Variants in BNC2 observed in about 807,000 individuals in gnomAD.
The protein encoded by BNC2 is basonuclin zinc finger protein 2.
In BNC2, 20 loss-of-function variants were observed where a neutral mutation model predicts 76.3. The observed-to-expected ratio is 0.26, with a 90% CI of 0.18 to 0.38. The LOEUF (loss-of-function observed/expected upper bound fraction) is 0.38. BNC2 is among the 10% of genes least tolerant of loss of function. The pLI is 1.00. For missense variants in BNC2, 1,382 were observed against 1,399.8 expected, an observed-to-expected ratio of 0.99 and a Z score of 0.20; for synonymous variants, 582 against 514.8, an observed-to-expected ratio of 1.13 and a Z score of -1.77.
chr9:16,841,743 T>A (rs972955349), intron 1 of BNC2, among the ~76,000 whole-genome samples: 1 of 151,806 alleles, frequency 6.6e-6, no homozygotes, highest in Non-Finnish European at 1.5e-5. Context: ...AAGAGCTGCA[T>A]GCATGATGAC....
intron 1 of BNC2, among the ~76,000 whole-genome samples, chr9:16,761,010 A>G (rs1825536648): frequency 6.6e-6 from 1 of 152,086 alleles, no homozygotes. Flanking sequence ...TGGGAGGCTA[A>G]GGCAGGAGGA....
intron 1 of BNC2, among the ~76,000 whole-genome samples, chr9:16,794,121 G>A (rs1817586389): frequency 6.6e-6 from 1 of 152,058 alleles, no homozygotes; most frequent in South Asian, 2.1e-4. Context: ...CAGTGACATG[G>A]CTCTGCCTTT....
intron 1 of BNC2, among the ~76,000 whole-genome samples, chr9:16,830,464 T>C (rs916547860): frequency 1.3e-5 from 2 of 152,192 alleles, no homozygotes; most frequent in African/African-American, 4.8e-5. Context: ...CGTAAATATT[T>C]GATATACTAT....
intron 3 of BNC2, among the ~76,000 whole-genome samples, chr9:16,707,460 C>T (rs1415869114): frequency 1.3e-5 from 2 of 152,060 alleles, no homozygotes; most frequent in Non-Finnish European, 2.9e-5. Context: ...GTATCTTGGA[C>T]CAATATTCAA....
intron 1 of BNC2, among the ~76,000 whole-genome samples, chr9:16,794,711 C>G (rs112575122): frequency 8.5e-5 from 13 of 152,294 alleles, no homozygotes; most frequent in African/African-American, 3.1e-4. Flanking sequence ...AACACAATTC[C>G]TCAGCTAACA....
intron 5 of BNC2, among the ~76,000 whole-genome samples, chr9:16,490,366 A>T (rs1156904672): frequency 6.6e-6 from 1 of 152,126 alleles, no homozygotes; most frequent in East Asian, 1.9e-4. Context: ...GAGCAAGGGA[A>T]CGACCAGCCC....
chr9:16,628,622 A>C (rs1410498710), intron 3 of BNC2, among the ~76,000 whole-genome samples: 5 of 152,240 alleles, frequency 3.3e-5, no homozygotes, highest in South Asian at 2.1e-4. Flanking sequence ...AACACACACA[A>C]ACACACACGC....
At chr9:16,792,972 A>T (rs1817554284) in intron 1 of BNC2, among the ~76,000 whole-genome samples, 1 of 152,232 alleles carries the variant, frequency 6.6e-6, no homozygotes, top group African/African-American at 2.4e-5. Context: ...CATTTAGAAC[A>T]TTTGTATCTC....
At chr9:16,420,580 A>G (rs1468602555) in intron 6 of BNC2, among the ~76,000 whole-genome samples, 1 of 152,138 alleles carries the variant, frequency 6.6e-6, no homozygotes, top group East Asian at 1.9e-4. Context: ...CAACAATAAC[A>G]TAGGGTTCCT....
intron 5 of BNC2, among the ~76,000 whole-genome samples, chr9:16,457,315 C>G (rs2131167374): frequency 6.6e-6 from 1 of 152,228 alleles, no homozygotes; most frequent in East Asian, 1.9e-4. Context: ...GGGGGACTAA[C>G]TTACTTAGGG....
intron 1 of BNC2, among the ~76,000 whole-genome samples, chr9:16,869,742 C>T (rs1819630493): frequency 1.3e-5 from 2 of 152,212 alleles, no homozygotes; most frequent in African/African-American, 4.8e-5. Context: ...CACGCTTCCT[C>T]GCTGCAAAGA....
chr9:16,536,955 T>G (rs1484209209), intron 5 of BNC2, among the ~76,000 whole-genome samples: 1 of 152,146 alleles, frequency 6.6e-6, no homozygotes, highest in Non-Finnish European at 1.5e-5. Context: ...ATATTACTTT[T>G]ATCAAAACTA....
At chr9:16,460,365 G>A (rs948849443) in intron 5 of BNC2, among the ~76,000 whole-genome samples, 3 of 151,898 alleles carry the variant, frequency 2.0e-5, no homozygotes, top group East Asian at 3.9e-4. Flanking sequence ...GCTCATGCCT[G>A]TAATCCTAAC....
chr9:16,769,946 T>C (rs906602001), intron 1 of BNC2, among the ~76,000 whole-genome samples: 3 of 152,046 alleles, frequency 2.0e-5, no homozygotes, highest in African/African-American at 7.2e-5. Context: ...TACAGAGAAA[T>C]TTCCCAGGCC....
intron 5 of BNC2, among the ~76,000 whole-genome samples, chr9:16,443,064 C>CAAAAAA (rs908689709): frequency 6.3e-5 from 4 of 63,664 alleles, no homozygotes; most frequent in Non-Finnish European, 1.0e-4. Flanking sequence ...GAGACTCTGT[C>CAAAAAA]AAAAAAAAAA....
At chr9:16,441,950 G>A (rs950397386) in intron 5 of BNC2, among the ~76,000 whole-genome samples, 4 of 152,094 alleles carry the variant, frequency 2.6e-5, no homozygotes, top group Non-Finnish European at 4.4e-5. Flanking sequence ...CCCAACTACC[G>A]ACCAACTCAT....
rs1392193588 is a variant in BNC2 at position 16,779,131 on chromosome 9, AAAAG to A, written c.4-40650_4-40647del. Among the ~76,000 whole-genome samples the A allele has an allele frequency of 8.6e-4, 7 of 8,184 alleles. No homozygotes were observed. The Admixed American group carries it at 0.011, about 13-fold the overall frequency. 5.4% of individuals were successfully genotyped at this position (8,184 alleles called of 152,430 possible). A position where few individuals can be genotyped will look rare whatever the true frequency, so the allele number is the denominator to read the frequency against. ...AAAAATTGTAAAAAAAAAAAAAAAA[AAAAG>A]AAAAGAAAAGAAAAAAAAACCAGCC... On this transcript the variant is annotated intron_variant, in intron 1 of 6. Transcript: ENST00000380672.
chr9:16,540,357 C>CT lies in BNC2; in HGVS notation c.669+12172dup, dbSNP rs201578045. On this transcript the variant is annotated intron_variant, in intron 5 of 6. Transcript: ENST00000380672. ...AGAATAAAATCATTATTTAAACACT[C>CT]TAAGCTTCAAACTTTCCATTAATCC... is the stretch of plus-strand genomic sequence containing the variant. Among the ~76,000 whole-genome samples, 97 of 152,196 alleles carry CT rather than the reference C, an allele frequency of 6.4e-4. No homozygotes were observed. In the East Asian group the frequency reaches 0.018, roughly 28 times the overall value.
intron 5 of BNC2, among the ~76,000 whole-genome samples, chr9:16,444,705 G>A (rs1157091803): frequency 6.6e-6 from 1 of 152,164 alleles, no homozygotes; most frequent in Non-Finnish European, 1.5e-5. Flanking sequence ...GAGATATTCT[G>A]TGGAAGAGAA....
Sources: gnomAD v4.1 joint callset for allele counts (sites outside exome capture counted in the v4.1 genomes callset) on GRCh38, gnomAD v4.1.1 for gene constraint, MANE v1.5 for transcripts, NCBI Gene and HGNC (gene_info 2026-07-23, HGNC 2026-07-21) for gene names.